QRICH1: variants seen among roughly 807,000 people sequenced by gnomAD.
QRICH1 encodes the protein transcriptional regulator QRICH1.
QRICH1 carries 16 observed loss-of-function variants against 87.1 expected under a neutral mutation model. That is an observed-to-expected ratio of 0.18 (90% CI 0.12 to 0.28). The LOEUF (loss-of-function observed/expected upper bound fraction) is 0.28. Among genes scored for constraint, QRICH1 ranks in the 10% least tolerant of loss-of-function variants. The pLI is 1.00. For missense variants in QRICH1, 647 were observed against 951.7 expected, an observed-to-expected ratio of 0.68 and a Z score of 4.21; for synonymous variants, 367 against 368.4, an observed-to-expected ratio of 1.00 and a Z score of 0.05.
chr3:49,058,736 C>T (rs2093417425), intron 2 of QRICH1, among the ~76,000 whole-genome samples: 1 of 152,028 alleles, frequency 6.6e-6, no homozygotes, highest in African/African-American at 2.4e-5. Context: ...TCAAGCAATT[C>T]TCTTGCCTCA....
chr3:49,035,460 T>C (rs1344271766), intron 6 of QRICH1, among the ~76,000 whole-genome samples: 4 of 152,168 alleles, frequency 2.6e-5, no homozygotes, highest in African/African-American at 9.7e-5. Flanking sequence ...GCTCTGTCAC[T>C]TGCTCCCTCT....
At chr3:49,040,519 T>C (rs576784742) in intron 6 of QRICH1, among the ~76,000 whole-genome samples, 1 of 152,338 alleles carries the variant, frequency 6.6e-6, no homozygotes, top group Non-Finnish European at 1.5e-5. Flanking sequence ...TGCCTTACTA[T>C]AGTGCAAGCT....
chr3:49,050,670 A>G (rs1302170495), intron 3 of QRICH1, among the ~76,000 whole-genome samples: 1 of 147,048 alleles, frequency 6.8e-6, no homozygotes, highest in Non-Finnish European at 1.5e-5. Flanking sequence ...CCTTAACTGC[A>G]CTGACTAATC....
rs1263364974 is a variant in QRICH1, at chr3:49,057,577, C to T, written c.623G>A (p.Gly208Asp). Residue 208 changes from glycine (G) to aspartate (D), a missense_variant, in exon 3 of 10, where the codon GGT (glycine) becomes GAT (aspartate). Physicochemically the swap from Gly to Asp is moderately conservative, Grantham distance 94. Transcript: ENST00000395443. This position sits in a 1 kb window ranked among gnomAD's most constrained non-coding sequence, Gnocchi z 5.4. ...QLVAGQSLAGGQQIQIQTVGA... is the reference protein window; with the variant it reads ...QLVAGQSLAGDQQIQIQTVGA... ...CACGGTCTGGATTTGGATCTGCTGACCACCAGCAAGAGACTGGCCAGCCAC... is the reference window on the plus strand; with the variant it reads ...CACGGTCTGGATTTGGATCTGCTGATCACCAGCAAGAGACTGGCCAGCCAC... 1 of 1,613,518 alleles carries T rather than the reference C, an allele frequency of 6.2e-7. No individual in the cohort carries two copies. Among genetic ancestry groups the T allele is most frequent in the East Asian group, 2.2e-5 (1 of 44,878 alleles).
At chr3:49,093,857 C>G (rs1487063613) in intron 1 of QRICH1, 55 bp downstream of exon 1, 2 of 376,342 alleles carry the variant, frequency 5.3e-6, no homozygotes, top group East Asian at 7.6e-5. Flanking sequence ...TGGGGTGGGC[C>G]CCCCGTCTCA....
chr3:49,049,672 A>ATTTTTTTAT (rs1321827738), intron 3 of QRICH1, among the ~76,000 whole-genome samples: 1 of 151,274 alleles, frequency 6.6e-6, no homozygotes, highest in East Asian at 2.0e-4. Flanking sequence ...TAATTTTTGT[A>ATTTTTTTAT]TTTTTAGTAG....
At chr3:49,093,736 C>G (rs1197313981) in intron 1 of QRICH1, 176 bp downstream of exon 1, 6 of 298,176 alleles carry the variant, frequency 2.0e-5, no homozygotes, top group South Asian at 1.6e-4. Flanking sequence ...CCACCCCTCC[C>G]CCATCCACAG....
intron 1 of QRICH1, among the ~76,000 whole-genome samples, chr3:49,091,826 C>A (rs2042280939): frequency 6.6e-6 from 1 of 152,122 alleles, no homozygotes; most frequent in African/African-American, 2.4e-5. Flanking sequence ...AATCCCAGCA[C>A]TTTGGGAGGC....
chr3:49,044,524 T>A lies in QRICH1; in HGVS notation c.1672-20A>T, dbSNP rs755226593. On this transcript the variant is annotated intron_variant, in intron 5 of 9. Transcript: ENST00000395443. ...AAGATACTAAAAGAAAAACAATTAATAGAAGTTATTGGTAGTCTCCTGAAC... is the reference window on the plus strand; with the variant it reads ...AAGATACTAAAAGAAAAACAATTAAAAGAAGTTATTGGTAGTCTCCTGAAC... The A allele has an allele frequency of 6.6e-7, 1 of 1,512,822 alleles. No individual in the cohort carries two copies. The highest frequency in any genetic ancestry group is 1.1e-5 in the South Asian group (1 of 88,206). 93.7% of individuals were successfully genotyped at this position (1,512,822 alleles called of 1,614,324 possible).
chr3:49,038,002 C>T (rs999113879), intron 6 of QRICH1, among the ~76,000 whole-genome samples: 2 of 151,874 alleles, frequency 1.3e-5, no homozygotes, highest in Admixed American at 6.6e-5. Flanking sequence ...TTAATTTTGA[C>T]CTTGATTCAG....
At chr3:49,041,043 A>G (rs1230294656) in intron 6 of QRICH1, among the ~76,000 whole-genome samples, 2 of 151,920 alleles carry the variant, frequency 1.3e-5, no homozygotes, top group Non-Finnish European at 2.9e-5. Flanking sequence ...TCTTAACTCA[A>G]TGCAACCTCC....
intron 1 of QRICH1, among the ~76,000 whole-genome samples, chr3:49,086,413 C>G (rs895708105): frequency 3.3e-5 from 5 of 151,964 alleles, no homozygotes; most frequent in African/African-American, 1.2e-4. Context: ...CCCACCACCA[C>G]GCCCGGCTAA....
At position 49,057,971 on chromosome 3, in the gene QRICH1, C is replaced by T; in HGVS notation, c.310-81G>A. 1 of 1,606,580 alleles carries T rather than the reference C, an allele frequency of 6.2e-7. No individual in the cohort carries two copies. On this transcript the variant is annotated intron_variant, in intron 2 of 9. Coordinates refer to ENST00000395443, the MANE Select transcript of QRICH1 (RefSeq NM_198880.3). This position sits in a 1 kb window ranked among gnomAD's most constrained non-coding sequence, Gnocchi z 5.4. ...CCCAAGGAAAGAAAGAAAAGAGATC[C>T]CAGACAGGGGACCTGCAAAATGTGA...
At chr3:49,080,169 T>TG (rs2042031276) in intron 1 of QRICH1, among the ~76,000 whole-genome samples, 2 of 152,320 alleles carry the variant, frequency 1.3e-5, no homozygotes, top group South Asian at 4.1e-4. Flanking sequence ...TAACAGGTCC[T>TG]CTACCATGCT....
intron 1 of QRICH1, among the ~76,000 whole-genome samples, chr3:49,084,762 C>CA (rs1273286297): frequency 6.6e-6 from 1 of 151,344 alleles, no homozygotes; most frequent in Admixed American, 6.6e-5. Flanking sequence ...GACTCCACCT[C>CA]AAAAAATGAT....
In QRICH1 at chr3:49,045,688, C is replaced by T. The variant is rs549058466; in HGVS notation, c.1671+737G>A. Among the ~76,000 whole-genome samples, 423 of 152,182 alleles carry T rather than the reference C, an allele frequency of 2.8e-3. 4 individuals are homozygous for T. The highest frequency in any genetic ancestry group is 9.7e-3 in the African/African-American group (402 of 41,514). ...AATCATGACTCACTACAGCCCCAAC[C>T]TCTGGGGCTCAAGCAATCCTCCCAC... On this transcript the variant is annotated intron_variant, in intron 5 of 9. Coordinates refer to ENST00000395443, the MANE Select transcript of QRICH1 (RefSeq NM_198880.3).
chr3:49,076,471 C>G (rs1277875030), intron 2 of QRICH1, among the ~76,000 whole-genome samples: 2 of 150,836 alleles, frequency 1.3e-5, no homozygotes, highest in Non-Finnish European at 2.9e-5. Context: ...GGTAGCTAAG[C>G]AGATCCCTGG....
intron 3 of QRICH1, among the ~76,000 whole-genome samples, chr3:49,049,687 G>A (rs774771532): frequency 2.6e-5 from 4 of 151,340 alleles, no homozygotes; most frequent in South Asian, 4.2e-4. Context: ...TAGTAGAGAC[G>A]GGGTTTCACC....
At chr3:49,051,887 C>T (rs1040962310) in intron 3 of QRICH1, among the ~76,000 whole-genome samples, 2 of 152,248 alleles carry the variant, frequency 1.3e-5, no homozygotes, top group South Asian at 2.1e-4. Context: ...AAGCATCTTC[C>T]AAAAATTCTT....
Sources: allele counts gnomAD v4.1 joint callset (sites outside exome capture counted in the v4.1 genomes callset), GRCh38; gene constraint gnomAD v4.1.1; non-coding constraint Gnocchi (gnomAD v3.1); transcripts MANE v1.5; gene names NCBI Gene and HGNC (gene_info 2026-07-23, HGNC 2026-07-21).